Variants in ATP10B observed in about 807,000 individuals in gnomAD.
ATP10B encodes the protein phospholipid-transporting ATPase VB.
A neutral mutation model predicts 141.2 loss-of-function variants in ATP10B; 122 were observed. That is an observed-to-expected ratio of 0.86 (90% confidence interval 0.75 to 1.00). The LOEUF (loss-of-function observed/expected upper bound fraction) is 1.00. Among genes scored for constraint, ATP10B ranks in the 50% least tolerant of loss-of-function variants. The pLI is 0.00. For missense variants in ATP10B, 1,876 were observed against 1,825.3 expected, an observed-to-expected ratio of 1.03 and a Z score of -0.51; for synonymous variants, 685 against 692.0, an observed-to-expected ratio of 0.99 and a Z score of 0.16.
At chr5:160,653,349 G>T (rs1459274856) in intron 7 of ATP10B, among the ~76,000 whole-genome samples, 1 of 95,246 alleles carries the variant, frequency 1.0e-5, no homozygotes, top group Non-Finnish European at 2.0e-5. Context: ...ACATACATAG[G>T]TAGTATATAT....
the ATP10B span, among the ~76,000 whole-genome samples, chr5:160,891,565 C>T: frequency 5.3e-5 from 8 of 152,140 alleles, no homozygotes; most frequent in Non-Finnish European, 7.3e-5. Context: ...AAGGGATTCT[C>T]GTGCTGGGAC....
At chr5:160,579,329 T>C (rs1416958057) in intron 24 of ATP10B, among the ~76,000 whole-genome samples, 1 of 152,228 alleles carries the variant, frequency 6.6e-6, no homozygotes, top group East Asian at 1.9e-4. Flanking sequence ...TTAATCCATC[T>C]TGAGTGAATT....
In ATP10B at chr5:160,659,543, C is replaced by T. The variant is rs547480997; in HGVS notation, c.676-10287G>A. Among the ~76,000 whole-genome samples, 8 of 152,062 alleles carry T rather than the reference C, an allele frequency of 5.3e-5. No homozygotes were observed. The East Asian group carries it at 7.7e-4, about 15-fold the overall frequency. ...TTTCACAAACCTAGCAGAGTTTCCT[C>T]GTAAGGCTCTAAAGGAAAAGACCTT... is the stretch of plus-strand genomic sequence containing the variant. On this transcript the variant is annotated intron_variant, in intron 7 of 25. Transcript: ENST00000327245.
intron 6 of ATP10B, among the ~76,000 whole-genome samples, chr5:160,675,747 T>A (rs950314791): frequency 2.6e-5 from 4 of 151,982 alleles, no homozygotes; most frequent in Non-Finnish European, 5.9e-5. Flanking sequence ...AGGCTTTGAA[T>A]CCTGGCTTCT....
At chr5:160,677,722 C>T (rs942396756) in intron 6 of ATP10B, among the ~76,000 whole-genome samples, 1 of 152,184 alleles carries the variant, frequency 6.6e-6, no homozygotes, top group Non-Finnish European at 1.5e-5. Context: ...ATTTTACATG[C>T]AGTAACTCAT....
chr5:160,823,004 ATATAT>A (rs1774268092), intron 1 of ATP10B, among the ~76,000 whole-genome samples: 1 of 95,366 alleles, frequency 1.0e-5, no homozygotes, highest in Admixed American at 1.0e-4. Flanking sequence ...ATATATACAT[ATATAT>A]ATATATATAT....
At chr5:160,594,887 A>G (rs1044567492) in intron 22 of ATP10B, among the ~76,000 whole-genome samples, 25 of 152,248 alleles carry the variant, frequency 1.6e-4, no homozygotes, top group African/African-American at 6.0e-4. Flanking sequence ...ACCCAGATTC[A>G]TAAAGCAAGT....
intron 1 of ATP10B, among the ~76,000 whole-genome samples, chr5:160,823,234 T>C (rs1008727060): frequency 6.6e-6 from 1 of 151,778 alleles, no homozygotes; most frequent in African/African-American, 2.4e-5. Flanking sequence ...ATCATGTCCT[T>C]TGCAGGAATA....
intron 21 of ATP10B, among the ~76,000 whole-genome samples, chr5:160,600,388 AC>A (rs1186485496): frequency 6.6e-6 from 1 of 152,122 alleles, no homozygotes; most frequent in South Asian, 2.1e-4. Flanking sequence ...ATACGATTAG[AC>A]TTTTCTAGAC....
At chr5:160,599,590 A>G (rs919601095) in intron 21 of ATP10B, among the ~76,000 whole-genome samples, 5 of 152,224 alleles carry the variant, frequency 3.3e-5, no homozygotes, top group African/African-American at 4.8e-5. Flanking sequence ...AAGGGGTAAT[A>G]GAAAGACTGA....
chr5:160,772,087 G>C (rs1769946044), intron 2 of ATP10B, among the ~76,000 whole-genome samples: 1 of 152,254 alleles, frequency 6.6e-6, no homozygotes, highest in African/African-American at 2.4e-5. Flanking sequence ...GTGAACGTGA[G>C]AGCAGAGATT....
intron 1 of ATP10B, among the ~76,000 whole-genome samples, chr5:160,799,105 C>T (rs942426073): frequency 1.4e-5 from 2 of 145,060 alleles, no homozygotes; most frequent in Non-Finnish European, 3.0e-5. Flanking sequence ...GGGTGATAGG[C>T]TGTATCAAAA....
chr5:160,688,279 G>A lies in ATP10B; in HGVS notation c.-20-185C>T, dbSNP rs189417742. On this transcript the variant is annotated intron_variant, in intron 4 of 25. Coordinates refer to ENST00000327245, the MANE Select transcript of ATP10B (RefSeq NM_025153.3). ...GCTTCCCTGTTGTTCCTAAAGATAG[G>A]ATTTCTGACATTAGAGTCATAAGGA... Among the ~76,000 whole-genome samples, 116 of 152,294 alleles carry A rather than the reference G, an allele frequency of 7.6e-4. No individual in the cohort carries two copies. The South Asian group carries it at 0.017, about 22-fold the overall frequency.
the ATP10B span, among the ~76,000 whole-genome samples, chr5:160,863,461 T>C: frequency 6.6e-6 from 1 of 151,860 alleles, no homozygotes. Flanking sequence ...CAGCAAAAGC[T>C]GCGTTAAGAG....
At chr5:160,865,597 T>A in the ATP10B span, among the ~76,000 whole-genome samples, 66 of 152,136 alleles carry the variant, frequency 4.3e-4, 1 homozygote, top group South Asian at 0.013. Context: ...ACTAAAAAGC[T>A]TCTCCAAAGC....
At chr5:160,842,220 T>G (rs1338330334) in intron 1 of ATP10B, among the ~76,000 whole-genome samples, 1 of 152,054 alleles carries the variant, frequency 6.6e-6, no homozygotes, top group Non-Finnish European at 1.5e-5. Flanking sequence ...AGCAATAACT[T>G]CTAAATAACC....
At chr5:160,811,133 T>C (rs1773124917) in intron 1 of ATP10B, among the ~76,000 whole-genome samples, 1 of 152,176 alleles carries the variant, frequency 6.6e-6, no homozygotes, top group Admixed American at 6.6e-5. Flanking sequence ...ACCCATCAAC[T>C]GCTGACTAAA....
At chr5:160,926,776 G>C in the ATP10B span, among the ~76,000 whole-genome samples, 1 of 152,208 alleles carries the variant, frequency 6.6e-6, no homozygotes, top group South Asian at 2.1e-4. Flanking sequence ...TGATTCTTGA[G>C]GTAGCTGCCT....
At chr5:160,610,960 T>C (rs1451997743) in intron 18 of ATP10B, among the ~76,000 whole-genome samples, 1 of 152,194 alleles carries the variant, frequency 6.6e-6, no homozygotes, top group Non-Finnish European at 1.5e-5. Flanking sequence ...CAATTTATAG[T>C]GAATTAGGCA....
Sources: allele counts gnomAD v4.1 joint callset (sites outside exome capture counted in the v4.1 genomes callset), GRCh38; gene constraint gnomAD v4.1.1; transcripts MANE v1.5; gene names NCBI Gene and HGNC (gene_info 2026-07-23, HGNC 2026-07-21).